The following WNK1 variants were observed in gnomAD, a reference collection of about 807,000 sequenced individuals.
WNK1 encodes the protein serine/threonine-protein kinase WNK1.
Under a neutral mutation model 222.8 loss-of-function variants are expected in WNK1, and 38 were observed. That is an observed-to-expected ratio of 0.17 (90% CI 0.13 to 0.22). The LOEUF is 0.22. Ranked by LOEUF, WNK1 falls within the 10% of genes least tolerant of loss-of-function variation. The pLI is 1.00. For synonymous variants in WNK1, 1,090 were observed against 1,092.9 expected (o/e 1.00, Z 0.05); for missense variants, 2,348 against 2,918.4 (o/e 0.80, Z 4.50).
chr12:899,105 T>A (rs1022408746), intron 25 of WNK1, among the ~76,000 whole-genome samples: 7 of 152,186 alleles, frequency 4.6e-5, no homozygotes, highest in Non-Finnish European at 8.8e-5. Context: ...ATGGTAGTGT[T>A]AACACAATTA....
intron 1 of WNK1, among the ~76,000 whole-genome samples, chr12:761,751 A>G (rs1255246975): frequency 6.8e-6 from 1 of 147,902 alleles, no homozygotes; most frequent in South Asian, 2.2e-4. Flanking sequence ...ATCTATCTTT[A>G]TGTGGATCAT....
chr12:798,332 C>T (rs1024442806), intron 1 of WNK1, among the ~76,000 whole-genome samples: 2 of 152,108 alleles, frequency 1.3e-5, no homozygotes, highest in African/African-American at 2.4e-5. Flanking sequence ...GCTGGGACTA[C>T]AGGCACCCTC....
intron 1 of WNK1, among the ~76,000 whole-genome samples, chr12:774,140 A>G (rs1049967661): frequency 1.3e-5 from 2 of 152,146 alleles, no homozygotes; most frequent in African/African-American, 4.8e-5. Flanking sequence ...TGACATGCCC[A>G]TTTATGTAAG....
intron 4 of WNK1, among the ~76,000 whole-genome samples, chr12:838,884 A>G (rs775724352): frequency 1.3e-5 from 2 of 152,126 alleles, no homozygotes; most frequent in Non-Finnish European, 2.9e-5. Flanking sequence ...ACACAGTTCA[A>G]CCCCATAACA....
intron 1 of WNK1, chr12:781,001 A>G (rs1943637409): frequency 6.6e-6 from 1 of 152,472 alleles, no homozygotes; most frequent in African/African-American, 2.4e-5. Context: ...TCTAAGAAAT[A>G]CATTTACATT....
chr12:848,763 A>G (rs115635999), intron 4 of WNK1, among the ~76,000 whole-genome samples: 477 of 152,274 alleles, frequency 3.1e-3, no homozygotes, highest in African/African-American at 0.011. Flanking sequence ...AGAAAGAGGA[A>G]TAAGTTTAGA....
intron 4 of WNK1, among the ~76,000 whole-genome samples, chr12:836,640 TA>T (rs1184309529): frequency 1.3e-5 from 2 of 152,174 alleles, no homozygotes; most frequent in African/African-American, 2.4e-5. Context: ...AACTTTTCAA[TA>T]AAAAAGTAAA....
At chr12:877,251 G>T (rs984367169) in intron 9 of WNK1, among the ~76,000 whole-genome samples, 6 of 151,982 alleles carry the variant, frequency 3.9e-5, no homozygotes, top group Admixed American at 1.3e-4. Flanking sequence ...TTTTAGTAGC[G>T]ATGGGGTTTC....
chr12:835,949 C>T (rs1316682368), intron 4 of WNK1, among the ~76,000 whole-genome samples: 2 of 146,330 alleles, frequency 1.4e-5, no homozygotes, highest in Admixed American at 1.4e-4. Flanking sequence ...AAGACTTGGT[C>T]TAAAAAAAAA....
At chr12:836,561 A>G (rs1467567663) in intron 4 of WNK1, among the ~76,000 whole-genome samples, 1 of 152,206 alleles carries the variant, frequency 6.6e-6, no homozygotes, top group Non-Finnish European at 1.5e-5. Context: ...TGAGGCTCAT[A>G]TTTGCACAGA....
rs540823007 is a variant in WNK1 at position 861,212 on chromosome 12, C to A, written c.1820C>A (p.Pro607His). 29 of 1,613,976 alleles carry A rather than the reference C, an allele frequency of 1.8e-5. 1 individual carries two copies. In the South Asian group the frequency reaches 3.2e-4, roughly 18 times the overall value. ...TCCCAGACAGGAATCAAGCAGCTCC[C>A]TTCTGCTAGCACCGGCATACCTACT... The part of the protein sequence containing the change: ...SASQTGIKQL[P>H]SASTGIPTAS... Residue 607 changes from proline to histidine, a missense_variant, in exon 7 of 28, where the codon CCT becomes CAT. Pro to His is a moderately conservative substitution (Grantham distance 77, BLOSUM62 -2). Coordinates refer to ENST00000315939, the MANE Select transcript of WNK1 (RefSeq NM_018979.4).
chr12:783,039 G>C (rs1488856720), intron 1 of WNK1, among the ~76,000 whole-genome samples: 3 of 151,820 alleles, frequency 2.0e-5, no homozygotes, highest in Non-Finnish European at 2.9e-5. Flanking sequence ...AAGTAGCTGG[G>C]ACTACAAGCA....
chr12:774,099 C>G (rs976511001), intron 1 of WNK1, among the ~76,000 whole-genome samples: 1 of 152,174 alleles, frequency 6.6e-6, no homozygotes. Context: ...AAAGGGCTTT[C>G]CTCCAGTCTT....
chr12:767,231 T>C (rs1328665517), intron 1 of WNK1, among the ~76,000 whole-genome samples: 1 of 137,472 alleles, frequency 7.3e-6, no homozygotes, highest in African/African-American at 2.7e-5. Context: ...TCTGGGTTGA[T>C]AGGTTTTTTT....
At chr12:772,285 A>G (rs1591629754) in intron 1 of WNK1, among the ~76,000 whole-genome samples, 1 of 152,210 alleles carries the variant, frequency 6.6e-6, no homozygotes, top group South Asian at 2.1e-4. Context: ...TTATCGTTAT[A>G]TTGTATGGTT....
chr12:786,787 C>T lies in WNK1; in HGVS notation c.760-26855C>T, dbSNP rs539712859. ...TGGCCCTTTATCTTCTTTTTTATGTCATTTTAATTTTGATGTGTTTCTTAT... is the reference window on the plus strand; with the variant it reads ...TGGCCCTTTATCTTCTTTTTTATGTTATTTTAATTTTGATGTGTTTCTTAT... On this transcript the variant is annotated intron_variant, in intron 1 of 27. Transcript: ENST00000315939. Among the ~76,000 whole-genome samples the T allele has an allele frequency of 7.9e-5, 12 of 152,078 alleles. No homozygotes were observed. The South Asian group carries it at 2.5e-3, about 32-fold the overall frequency.
In WNK1 at chr12:901,708, A is replaced by T. The variant is rs72650771; in HGVS notation, c.6643+1038A>T. ...CTTGTGTTTCTGCTGCTTGGATCTG[A>T]TGTTTCACGCAGTCCATTTTCATTT... On this transcript the variant is annotated intron_variant, in intron 26 of 27. Coordinates refer to ENST00000315939, the MANE Select transcript of WNK1 (RefSeq NM_018979.4). 2.6e-4 allele frequency: 263 copies of T among 1,016,630 alleles called. No individual in the cohort carries two copies. The African/African-American group carries it at 4.0e-3, about 15-fold the overall frequency. The allele number at this position is 1,016,630 out of a possible 1,614,324, so 63.0% of individuals were successfully genotyped here.
In WNK1 at chr12:910,568, A is replaced by ATCTT. The variant is rs1234524319; in HGVS notation, c.*1778_*1781dup. ...ACTGTCCTAACTGGCTATGTTTAGGATCTTTGTTATCTCTGAAGACAAAGA... is the reference window on the plus strand; with the variant it reads ...ACTGTCCTAACTGGCTATGTTTAGGATCTTTCTTTGTTATCTCTGAAGACAAAGA... On this transcript the variant is annotated 3_prime_UTR_variant, in exon 28 of 28. Coordinates refer to ENST00000315939, the MANE Select transcript of WNK1 (RefSeq NM_018979.4). The ATCTT allele has an allele frequency of 1.3e-5, 2 of 152,204 alleles. No homozygotes were observed. The highest frequency in any genetic ancestry group is 4.8e-5 in the African/African-American group (2 of 41,450). 9.4% of individuals were successfully genotyped at this position (152,204 alleles called of 1,614,324 possible).
Position 813,655 on chromosome 12 carries a change from CAA to C in WNK1, c.775_776del (p.Lys259ValfsTer2). 6.2e-7 allele frequency: 1 copy of C among 1,613,432 alleles called. No individual in the cohort carries two copies. Among genetic ancestry groups the C allele is most frequent in the Non-Finnish European group, 8.5e-7 (1 of 1,179,810 alleles). ...TTTTGATTTTAGGATCGAAAATTAACAAAGTCTGAGAGGCAGAGATTTAAAGA... is the reference window on the plus strand; with the variant it reads ...TTTTGATTTTAGGATCGAAAATTAACAGTCTGAGAGGCAGAGATTTAAAGA... On this transcript the variant is annotated frameshift_variant, in exon 2 of 28. Transcript: ENST00000315939. LOFTEE classifies it high-confidence loss of function.
Sources: gnomAD v4.1 joint callset for allele counts (sites outside exome capture counted in the v4.1 genomes callset) on GRCh38, gnomAD v4.1.1 for gene constraint, MANE v1.5 for transcripts, NCBI Gene and HGNC (gene_info 2026-07-23, HGNC 2026-07-21) for gene names.